Variants in SYT1 observed in about 807,000 individuals in gnomAD.
The protein encoded by SYT1 is synaptotagmin 1.
SYT1 carries 8 observed loss-of-function variants against 44.8 expected under a neutral mutation model. That is an observed-to-expected ratio of 0.18 (90% CI 0.10 to 0.32). SYT1 has a LOEUF of 0.32. Among genes scored for constraint, SYT1 ranks in the 10% least tolerant of loss-of-function variants. The pLI is 1.00. For missense variants in SYT1, 286 were observed against 509.3 expected (o/e 0.56, Z 4.22); for synonymous variants, 154 against 188.8 (o/e 0.82, Z 1.51).
chr12:79,107,164 A>C (rs1323182471), intron 3 of SYT1, among the ~76,000 whole-genome samples: 3 of 152,042 alleles, frequency 2.0e-5, no homozygotes, highest in Non-Finnish European at 4.4e-5. Context: ...AGAAATGATC[A>C]AAATTAACTC....
At chr12:79,083,711 T>C (rs1248177150) in intron 3 of SYT1, among the ~76,000 whole-genome samples, 3 of 152,088 alleles carry the variant, frequency 2.0e-5, no homozygotes, top group Non-Finnish European at 4.4e-5. Context: ...TTATGAAATA[T>C]AAAATTATGT....
chr12:79,201,545 G>A (rs373156104), intron 3 of SYT1, among the ~76,000 whole-genome samples: 100 of 152,086 alleles, frequency 6.6e-4, no homozygotes, highest in Middle Eastern at 3.4e-3. Context: ...GTCATCTTTC[G>A]GTGTGACTGA....
intron 9 of SYT1, among the ~76,000 whole-genome samples, chr12:79,420,632 C>T (rs1378367468): frequency 6.6e-6 from 1 of 152,094 alleles, no homozygotes; most frequent in Non-Finnish European, 1.5e-5. Context: ...GGAATTAAAA[C>T]ACTTTTTCCA....
chr12:79,313,878 A>C (rs1404113117), intron 8 of SYT1, among the ~76,000 whole-genome samples: 1 of 151,936 alleles, frequency 6.6e-6, no homozygotes, highest in African/African-American at 2.4e-5. Flanking sequence ...TCTCAAAAAA[A>C]TATTAGCGGG....
intron 1 of SYT1, among the ~76,000 whole-genome samples, chr12:78,971,543 A>G (rs1306131012): frequency 1.3e-5 from 2 of 152,202 alleles, no homozygotes; most frequent in African/African-American, 4.8e-5. Context: ...AAGAAAAATT[A>G]TATAAAGTTT....
chr12:78,917,100 T>A (rs978840878), intron 1 of SYT1, among the ~76,000 whole-genome samples: 9 of 152,016 alleles, frequency 5.9e-5, no homozygotes, highest in East Asian at 1.9e-4. Flanking sequence ...CTATTTTTTT[T>A]ATATTTTGTA....
chr12:78,915,722 T>G (rs146408020), intron 1 of SYT1, among the ~76,000 whole-genome samples: 2 of 152,170 alleles, frequency 1.3e-5, no homozygotes, highest in Non-Finnish European at 2.9e-5. Flanking sequence ...GGCTAGAATT[T>G]TGAAAATGTT....
chr12:79,296,330 C>A (rs1879873727), intron 7 of SYT1, 94 bp downstream of exon 7: 3 of 1,260,898 alleles, frequency 2.4e-6, no homozygotes, highest in Non-Finnish European at 3.3e-6. Flanking sequence ...CACATGAATG[C>A]TTGTTCAGGC....
At position 79,051,375 on chromosome 12, in the gene SYT1, T is replaced by C. The variant is rs139089504; in HGVS notation, c.-18+4013T>C. Among the ~76,000 whole-genome samples, 628 of 149,944 alleles carry C rather than the reference T, an allele frequency of 4.2e-3. 13 individuals are homozygous for C. The East Asian group carries it at 0.066, about 16-fold the overall frequency. On this transcript the variant is annotated intron_variant, in intron 3 of 10. Transcript: ENST00000261205. ...TATGTATAAAGAGAGCTCATTTATA[T>C]AGGTATTTATTTATTTATATTTATA...
chr12:78,864,034 T>C (rs1873405013), upstream of SYT1: 1 of 152,190 alleles, frequency 6.6e-6, no homozygotes, highest in South Asian at 2.1e-4. Context: ...TCCCCAGGCT[T>C]CCAGCAAAGC....
chr12:79,197,183 T>C (rs960637717), intron 3 of SYT1, among the ~76,000 whole-genome samples: 4 of 152,236 alleles, frequency 2.6e-5, no homozygotes, highest in African/African-American at 9.6e-5. Context: ...TGATGCCTTC[T>C]TTGGGGTCCA....
intron 2 of SYT1, among the ~76,000 whole-genome samples, chr12:79,038,313 C>T (rs960900399): frequency 9.3e-5 from 14 of 151,346 alleles, no homozygotes; most frequent in Non-Finnish European, 1.8e-4. Context: ...ATCTAAATCA[C>T]AATCTATATT....
chr12:78,918,547 T>C (rs1192242972), intron 1 of SYT1, among the ~76,000 whole-genome samples: 1 of 151,998 alleles, frequency 6.6e-6, no homozygotes, highest in Admixed American at 6.6e-5. Context: ...ACTCTTGATA[T>C]GTATGGGAAA....
intron 2 of SYT1, among the ~76,000 whole-genome samples, chr12:79,044,701 A>C (rs559134239): frequency 6.8e-6 from 1 of 146,346 alleles, no homozygotes; most frequent in Non-Finnish European, 1.5e-5. Flanking sequence ...GAGGAGAGGC[A>C]CTCTGCTTTT....
intron 2 of SYT1, among the ~76,000 whole-genome samples, chr12:79,039,477 G>A (rs1444187238): frequency 6.6e-6 from 1 of 151,744 alleles, no homozygotes; most frequent in Admixed American, 6.6e-5. Context: ...ATAAAGACAA[G>A]GCATTTATAC....
intron 9 of SYT1, among the ~76,000 whole-genome samples, chr12:79,380,581 T>A (rs923776293): frequency 4.0e-5 from 6 of 151,776 alleles, no homozygotes; most frequent in Admixed American, 1.3e-4. Flanking sequence ...TACATGGGGG[T>A]CTCACTATAT....
chr12:78,928,919 A>G, intron 1 of SYT1, among the ~76,000 whole-genome samples: 1 of 152,196 alleles, frequency 6.6e-6, no homozygotes, highest in South Asian at 2.1e-4. Context: ...ATCATATTCC[A>G]TTGGGAATAA....
intron 3 of SYT1, among the ~76,000 whole-genome samples, chr12:79,094,269 TATTTA>T (rs995931704): frequency 2.0e-5 from 3 of 151,852 alleles, no homozygotes; most frequent in African/African-American, 7.2e-5. Flanking sequence ...CACTTACATC[TATTTA>T]ATTACTTTAA....
chr12:78,931,390 AAGGAAGG>A (rs1565723959), intron 1 of SYT1, among the ~76,000 whole-genome samples: 14 of 117,786 alleles, frequency 1.2e-4, no homozygotes, highest in African/African-American at 4.7e-4. Flanking sequence ...GGAAGGAAGG[AAGGAAGG>A]GAGGAGAGAG....
Sources: allele counts gnomAD v4.1 joint callset (sites outside exome capture counted in the v4.1 genomes callset), GRCh38; gene constraint gnomAD v4.1.1; transcripts MANE v1.5; gene names NCBI Gene and HGNC (gene_info 2026-07-23, HGNC 2026-07-21).